CCDC97: variants seen among roughly 807,000 people sequenced by gnomAD.
CCDC97 encodes coiled-coil domain-containing protein 97.
CCDC97 carries 27 observed loss-of-function variants against 33.9 expected under a neutral mutation model. The observed-to-expected ratio is 0.80, with a 90% CI of 0.59 to 1.10. The LOEUF (loss-of-function observed/expected upper bound fraction) is 1.10. Among genes scored for constraint, CCDC97 ranks in the 50% least tolerant of loss-of-function variants. The probability of loss-of-function intolerance (pLI) is 0.00; values close to 1 mark genes in which losing one functional copy is unlikely to be tolerated. For missense variants in CCDC97, 422 were observed against 476.6 expected (o/e 0.89, Z 1.07); for synonymous variants, 217 against 194.0 (o/e 1.12, Z -0.99).
Position 41,322,852 on chromosome 19 carries a change from G to A in CCDC97, c.*137G>A, listed in dbSNP as rs1418698367. The A allele has an allele frequency of 1.0e-6, 1 of 981,912 alleles. No homozygotes were observed. The highest frequency in any genetic ancestry group is 2.8e-5 in the East Asian group (1 of 35,696). 60.8% of individuals were successfully genotyped at this position (981,912 alleles called of 1,614,324 possible). A position where few individuals can be genotyped will look rare whatever the true frequency, so the allele number is the denominator to read the frequency against. On this transcript the variant is annotated 3_prime_UTR_variant, in exon 5 of 5. Coordinates refer to ENST00000269967, the MANE Select transcript of CCDC97 (RefSeq NM_052848.3). ...ACCCACACACACCACCATCTCACTG[G>A]GTCTAGTCTCATCTCAGACAACCCC...
chr19:41,315,781 CT>C (rs1323838894), intron 1 of CCDC97, among the ~76,000 whole-genome samples: 1 of 151,752 alleles, frequency 6.6e-6, no homozygotes, highest in African/African-American at 2.4e-5. Flanking sequence ...GGAGCAAGGC[CT>C]TATCTCTTAA....
rs1470996422 is a variant in CCDC97, at chr19:41,310,240, C to T, written c.-71C>T. ...CCGGAACATTCTCAGGCGAAAGTGT[C>T]TCTTGCGTGCGTGGGCCGGAGGTTA... On this transcript the variant is annotated 5_prime_UTR_variant, in exon 1 of 5. Transcript: ENST00000269967. 6.5e-7 allele frequency: 1 copy of T among 1,548,638 alleles called. No homozygotes were observed.
rs1277645470 is a variant in CCDC97, at chr19:41,322,974, T to C, written c.*259T>C. On this transcript the variant is annotated 3_prime_UTR_variant, in exon 5 of 5. Coordinates refer to ENST00000269967, the MANE Select transcript of CCDC97 (RefSeq NM_052848.3). ...TCTGTCTGGGCTTCTTTCTGTCTCT[T>C]TCTGTCTTTCTGTCTCTCTCCCTAC... 2.3e-5 allele frequency: 7 copies of C among 304,042 alleles called. No individual in the cohort carries two copies. The East Asian group carries it at 5.0e-4, about 22-fold the overall frequency. The allele number at this position is 304,042 out of a possible 1,614,324, so 18.8% of individuals were successfully genotyped here. A position where few individuals can be genotyped will look rare whatever the true frequency, so the allele number is the denominator to read the frequency against.
Position 41,322,753 on chromosome 19 carries a change from C to T in CCDC97, c.*38C>T, listed in dbSNP as rs757455717. 27 of 1,604,258 alleles carry T rather than the reference C, an allele frequency of 1.7e-5. No individual in the cohort carries two copies. The highest frequency in any genetic ancestry group is 1.7e-4 in the Middle Eastern group (1 of 6,038). ...TTCCCACCGCCTGCCCCATCCCCAT[C>T]CCCAACAAGGCAGCTGATTCCAGGC... On this transcript the variant is annotated 3_prime_UTR_variant, in exon 5 of 5. Transcript: ENST00000269967.
chr19:41,318,400 G>A (rs1323792761), intron 2 of CCDC97, among the ~76,000 whole-genome samples: 1 of 152,180 alleles, frequency 6.6e-6, no homozygotes, highest in African/African-American at 2.4e-5. Flanking sequence ...TGCAGTTAGA[G>A]TTAATCGAGA....
intron 2 of CCDC97, among the ~76,000 whole-genome samples, chr19:41,317,482 G>A (rs549291505): frequency 1.3e-5 from 2 of 152,266 alleles, no homozygotes; most frequent in African/African-American, 2.4e-5. Context: ...CAGCACTTTG[G>A]GAGGTCAAGG....
At position 41,321,855 on chromosome 19, in the gene CCDC97, G is replaced by A. The variant is rs746932290; in HGVS notation, c.912-740G>A. Among the ~76,000 whole-genome samples the A allele has an allele frequency of 3.4e-4, 51 of 152,216 alleles. 1 individual carries two copies. Among genetic ancestry groups the A allele is most frequent in the Non-Finnish European group, 6.5e-4 (44 of 68,046 alleles). On this transcript the variant is annotated intron_variant, in intron 4 of 4. Transcript: ENST00000269967. ...AAGCTAGGCTTGGCAACCCAAGTGC[G>A]TGCTGCTGGGTTTACTTGCTGCCTT...
Position 41,322,826 on chromosome 19 carries a change from A to C in CCDC97, c.*111A>C. The C allele has an allele frequency of 8.1e-7, 1 of 1,232,518 alleles. No homozygotes were observed. The highest frequency in any genetic ancestry group is 1.4e-5 in the South Asian group (1 of 71,206). 76.3% of individuals were successfully genotyped at this position (1,232,518 alleles called of 1,614,324 possible). ...GGGGGACATCAGGGCAGTGCCCCAC[A>C]ACCCACACACACCACCATCTCACTG... On this transcript the variant is annotated 3_prime_UTR_variant, in exon 5 of 5. Coordinates refer to ENST00000269967, the MANE Select transcript of CCDC97 (RefSeq NM_052848.3).
rs1253900806 is a variant in CCDC97, at chr19:41,324,664, G to A, written c.*1949G>A. ...TATCACTCCTCTATTTCCCAGAGGA[G>A]GAAGCAGCAGCTAGACTCCAGGACC... On this transcript the variant is annotated 3_prime_UTR_variant, in exon 5 of 5. Coordinates refer to ENST00000269967, the MANE Select transcript of CCDC97 (RefSeq NM_052848.3). The A allele has an allele frequency of 6.6e-6, 1 of 152,242 alleles. No individual in the cohort carries two copies. The highest frequency in any genetic ancestry group is 1.5e-5 in the Non-Finnish European group (1 of 68,064). 9.4% of individuals were successfully genotyped at this position (152,242 alleles called of 1,614,324 possible). A position where few individuals can be genotyped will look rare whatever the true frequency, so the allele number is the denominator to read the frequency against.
rs1325825500 is a variant in CCDC97, at chr19:41,316,797, C to G, written c.460C>G (p.Leu154Val). 1.9e-6 allele frequency: 3 copies of G among 1,600,816 alleles called. No individual in the cohort carries two copies. The African/African-American group carries it at 4.0e-5, about 21-fold the overall frequency. ...TARPRTLRTRLRNRRYAALRE... is the reference protein window; with the variant it reads ...TARPRTLRTRVRNRRYAALRE... ...CCGGCCCCGCACCCTGCGTACCCGCCTGCGTAACCGGCGCTATGCTGCCCT... is the reference window on the plus strand; with the variant it reads ...CCGGCCCCGCACCCTGCGTACCCGCGTGCGTAACCGGCGCTATGCTGCCCT... Residue 154 changes from leucine to valine, a missense_variant, in exon 2 of 5, where the codon CTG becomes GTG. Physicochemically the swap from Leu to Val is conservative, Grantham distance 32. Coordinates refer to ENST00000269967, the MANE Select transcript of CCDC97 (RefSeq NM_052848.3).
intron 1 of CCDC97, among the ~76,000 whole-genome samples, chr19:41,312,871 C>T (rs1316208914): frequency 1.3e-5 from 2 of 152,010 alleles, no homozygotes; most frequent in Admixed American, 1.3e-4. Flanking sequence ...CCTCTGCCTC[C>T]GGAGTTCAAA....
intron 1 of CCDC97, among the ~76,000 whole-genome samples, chr19:41,314,476 A>T (rs2037721809): frequency 6.6e-6 from 1 of 152,250 alleles, no homozygotes; most frequent in South Asian, 2.1e-4. Context: ...GGTTGGGTGA[A>T]CGCATGAATG....
Position 41,320,322 on chromosome 19 carries a change from C to T in CCDC97, c.782-19C>T. On this transcript the variant is annotated intron_variant, in intron 3 of 4. Coordinates refer to ENST00000269967, the MANE Select transcript of CCDC97 (RefSeq NM_052848.3). ...CCGAGTGCACCCGCATTCACACCCC[C>T]TCTCCTCTCCCTCTGCAGACCAGAG... 6.2e-7 allele frequency: 1 copy of T among 1,613,278 alleles called. No individual in the cohort carries two copies. The highest frequency in any genetic ancestry group is 8.5e-7 in the Non-Finnish European group (1 of 1,179,934).
intron 1 of CCDC97, 188 bp downstream of exon 1, chr19:41,310,544 C>T (rs1407704876): frequency 3.0e-6 from 3 of 985,252 alleles, no homozygotes; most frequent in Non-Finnish European, 3.6e-6. Context: ...TCTTTTCCTC[C>T]ATTCCTTCCC....
chr19:41,321,535 G>A (rs1020773530), intron 4 of CCDC97, among the ~76,000 whole-genome samples: 2 of 152,208 alleles, frequency 1.3e-5, no homozygotes, highest in Admixed American at 6.5e-5. Context: ...CAAAACCAAC[G>A]AAAGGCTTCC....
At chr19:41,311,164 G>A (rs577978041) in intron 1 of CCDC97, 1 of 152,496 alleles carries the variant, frequency 6.6e-6, no homozygotes, top group East Asian at 1.9e-4. Context: ...AGGCAGGAGA[G>A]TTGCTTGAGC....
At chr19:41,316,266 C>G in intron 1 of CCDC97, 118 bp from the exon 2 acceptor site, 1 of 762,372 alleles carries the variant, frequency 1.3e-6, no homozygotes, top group Admixed American at 2.6e-5. Flanking sequence ...TCTCTAGTGC[C>G]CAGAACAGTG....
intron 2 of CCDC97, among the ~76,000 whole-genome samples, chr19:41,318,943 G>T (rs1027408248): frequency 6.6e-6 from 1 of 152,074 alleles, no homozygotes; most frequent in Admixed American, 6.5e-5. Context: ...CCAGACTAGG[G>T]CCCCACAAAC....
At chr19:41,310,654 C>G in intron 1 of CCDC97, 2 of 1,324,736 alleles carry the variant, frequency 1.5e-6, no homozygotes, top group Non-Finnish European at 1.9e-6. Flanking sequence ...ACCTCTCTAC[C>G]CCGGCCTAAT....
Sources: allele counts gnomAD v4.1 joint callset (sites outside exome capture counted in the v4.1 genomes callset), GRCh38; gene constraint gnomAD v4.1.1; transcripts MANE v1.5; gene names NCBI Gene and HGNC (gene_info 2026-07-23, HGNC 2026-07-21).